Variants in ADGRL3 observed in about 807,000 individuals in gnomAD.
The protein encoded by ADGRL3 is adhesion G protein-coupled receptor L3, also known as calcium-independent alpha-latrotoxin receptor 3.
ADGRL3 carries 62 observed loss-of-function variants against 153.5 expected under a neutral mutation model. The ratio of observed to expected loss-of-function variants is 0.40; its 90% confidence interval spans 0.33 to 0.50. The LOEUF is 0.50. Among genes scored for constraint, ADGRL3 ranks in the 20% least tolerant of loss-of-function variants. ADGRL3 has a pLI of 0.47. For missense variants in ADGRL3, 1,641 were observed against 1,859.4 expected, an observed-to-expected ratio of 0.88 and a Z score of 2.16; for synonymous variants, 710 against 672.5, an observed-to-expected ratio of 1.06 and a Z score of -0.86.
chr4:61,742,946 T>C lies in ADGRL3; in HGVS notation c.1399+9392T>C, dbSNP rs80020549. Among the ~76,000 whole-genome samples, 15 of 152,258 alleles carry C rather than the reference T, an allele frequency of 9.9e-5. No individual in the cohort carries two copies. In the East Asian group the frequency reaches 1.4e-3, roughly 14 times the overall value. On this transcript the variant is annotated intron_variant, in intron 8 of 26. Coordinates refer to ENST00000683033, the MANE Select transcript of ADGRL3 (RefSeq NM_001387552.1). The stretch of plus-strand genomic sequence containing the variant: ...ATACTAGCGAAGATACAAATCAAAA[T>C]TAGCCAGTGCTTTCTATATAAAATG...
chr4:61,509,618 G>A (rs987804923), intron 3 of ADGRL3, among the ~76,000 whole-genome samples: 2 of 151,796 alleles, frequency 1.3e-5, no homozygotes, highest in Admixed American at 1.3e-4. Context: ...TGCTGTGTGT[G>A]TGTGCGTGTG....
chr4:61,684,058 A>G (rs1232204038), intron 6 of ADGRL3, among the ~76,000 whole-genome samples: 1 of 152,178 alleles, frequency 6.6e-6, no homozygotes, highest in Non-Finnish European at 1.5e-5. Context: ...TATTTGCATG[A>G]AATATAAAAT....
chr4:61,747,763 C>A (rs1158678226), intron 8 of ADGRL3, among the ~76,000 whole-genome samples: 1 of 149,900 alleles, frequency 6.7e-6, no homozygotes, highest in Non-Finnish European at 1.5e-5. Flanking sequence ...ACTGAATGGG[C>A]AAAAACTGGA....
intron 9 of ADGRL3, among the ~76,000 whole-genome samples, chr4:61,815,133 G>A (rs75025051): frequency 0.11 from 16,057 of 152,022 alleles, 915 homozygotes; most frequent in Middle Eastern, 0.15. Context: ...TCCCATGAAA[G>A]GGAAGAAAAA....
chr4:61,472,105 C>T (rs1332612118), intron 2 of ADGRL3, among the ~76,000 whole-genome samples: 2 of 151,920 alleles, frequency 1.3e-5, no homozygotes, highest in Non-Finnish European at 2.9e-5. Flanking sequence ...AAAGGCATTG[C>T]TTATTGAACA....
chr4:61,409,610 T>C (rs1481577164), intron 2 of ADGRL3, among the ~76,000 whole-genome samples: 1 of 151,422 alleles, frequency 6.6e-6, no homozygotes, highest in Non-Finnish European at 1.5e-5. Context: ...TGTAGAGGTC[T>C]AAATGTTTTC....
chr4:61,734,384 G>A (rs1436947651), intron 8 of ADGRL3, among the ~76,000 whole-genome samples: 1 of 152,076 alleles, frequency 6.6e-6, no homozygotes, highest in East Asian at 1.9e-4. Context: ...AAAAGAAAGA[G>A]GTTTAATTGA....
chr4:61,664,765 G>A (rs1402630423), intron 5 of ADGRL3, among the ~76,000 whole-genome samples: 1 of 152,052 alleles, frequency 6.6e-6, no homozygotes, highest in Non-Finnish European at 1.5e-5. Context: ...AGTTATTGTG[G>A]TACAAATTTT....
intron 1 of ADGRL3, among the ~76,000 whole-genome samples, chr4:61,221,604 A>C (rs761731686): frequency 3.3e-5 from 5 of 152,178 alleles, no homozygotes; most frequent in Non-Finnish European, 7.4e-5. Flanking sequence ...ACTGCTATAA[A>C]AGTGAATTGG....
rs776015667 is a variant in ADGRL3, at chr4:61,733,040, C to T, written c.885C>T (p.Asn295=). ...ALFFNKERTR[N]IVKFDLRTRI... is the part of the protein sequence containing the mutation. ...TCTTCAACAAAGAGCGCACCAGGAA[C>T]ATAGTAAAGTTTGATTTGCGGACTA... Residue 295 remains asparagine (N), a synonymous_variant, in exon 8 of 27, where the codon AAC becomes AAT. Transcript: ENST00000683033. 1.2e-6 allele frequency: 2 copies of T among 1,613,556 alleles called. No homozygotes were observed. Among genetic ancestry groups the T allele is most frequent in the Non-Finnish European group, 1.7e-6 (2 of 1,179,822 alleles).
chr4:61,807,462 C>T (rs560787365), intron 8 of ADGRL3, among the ~76,000 whole-genome samples: 24 of 151,912 alleles, frequency 1.6e-4, no homozygotes, highest in Admixed American at 2.6e-4. Context: ...CTATTTTTCA[C>T]GGTTATGAAA....
intron 8 of ADGRL3, among the ~76,000 whole-genome samples, chr4:61,810,089 C>T (rs142861717): frequency 6.6e-6 from 1 of 152,234 alleles, no homozygotes; most frequent in African/African-American, 2.4e-5. Flanking sequence ...TTAAACTAAA[C>T]TGCCTCTAGT....
intron 8 of ADGRL3, among the ~76,000 whole-genome samples, chr4:61,803,053 G>A (rs2097518040): frequency 1.3e-5 from 2 of 152,048 alleles, no homozygotes; most frequent in Admixed American, 1.3e-4. Flanking sequence ...AGTGGTATCA[G>A]TGAGAATCTT....
At chr4:61,432,587 T>C (rs1445497011) in intron 2 of ADGRL3, among the ~76,000 whole-genome samples, 2 of 5,484 alleles carry the variant, frequency 3.6e-4, no homozygotes, top group South Asian at 0.016. Flanking sequence ...TCTTTCTTTC[T>C]TTCTTTCTTT....
At chr4:61,798,575 AAGT>A (rs2097443667) in intron 8 of ADGRL3, among the ~76,000 whole-genome samples, 2 of 151,892 alleles carry the variant, frequency 1.3e-5, no homozygotes, top group South Asian at 2.1e-4. Context: ...GAACCAAGGA[AAGT>A]AGGACTCATT....
At chr4:61,981,761 T>C (rs1265308829) in intron 18 of ADGRL3, among the ~76,000 whole-genome samples, 2 of 152,204 alleles carry the variant, frequency 1.3e-5, no homozygotes, top group Non-Finnish European at 2.9e-5. Context: ...CTTTTGAGCA[T>C]AATAAATAGT....
rs139143105 is a variant in ADGRL3, at chr4:61,349,328, A to T, written c.-239-33796A>T. On this transcript the variant is annotated intron_variant, in intron 1 of 26. Transcript: ENST00000683033. Reference sequence around the variant, plus strand: ...AAAAAGTGTTCTCTGAAAAGCAGATAATAGTAATTTTTAAATGTTTTCATT... The same window carrying T: ...AAAAAGTGTTCTCTGAAAAGCAGATTATAGTAATTTTTAAATGTTTTCATT... 8.5e-5 allele frequency among the ~76,000 whole-genome samples: 13 copies of T among 152,212 alleles called. No individual in the cohort carries two copies. In the East Asian group the frequency reaches 2.3e-3, roughly 27 times the overall value.
intron 8 of ADGRL3, among the ~76,000 whole-genome samples, chr4:61,750,299 C>A (rs2096737905): frequency 6.6e-6 from 1 of 151,120 alleles, no homozygotes; most frequent in Admixed American, 6.6e-5. Context: ...AAGGCAGCAT[C>A]ATACTGATTA....
intron 8 of ADGRL3, among the ~76,000 whole-genome samples, chr4:61,752,579 G>T (rs1337014567): frequency 6.6e-6 from 1 of 152,102 alleles, no homozygotes; most frequent in East Asian, 1.9e-4. Context: ...CTTATGTTCT[G>T]CTTCAGGGGA....
Sources: gnomAD v4.1 joint callset for allele counts (sites outside exome capture counted in the v4.1 genomes callset) on GRCh38, gnomAD v4.1.1 for gene constraint, MANE v1.5 for transcripts, NCBI Gene and HGNC (gene_info 2026-07-23, HGNC 2026-07-21) for gene names.